TOX3: variants seen among roughly 807,000 people sequenced by gnomAD.
TOX3 encodes CAG trinucleotide repeat-containing gene F9 protein.
TOX3 carries 22 observed loss-of-function variants against 64.3 expected under a neutral mutation model. That is an observed-to-expected ratio of 0.34 (90% confidence interval 0.24 to 0.49). TOX3 has a LOEUF of 0.49. Among genes scored for constraint, TOX3 ranks in the 20% least tolerant of loss-of-function variants. The pLI is 0.99. For missense variants in TOX3, 661 were observed against 714.4 expected, an observed-to-expected ratio of 0.93 and a Z score of 0.85; for synonymous variants, 291 against 273.6, an observed-to-expected ratio of 1.06 and a Z score of -0.63.
At chr16:52,474,687 C>A (rs1961156702) in intron 1 of TOX3, among the ~76,000 whole-genome samples, 1 of 148,918 alleles carries the variant, frequency 6.7e-6, no homozygotes, top group African/African-American at 2.5e-5. Context: ...GAGAGAGGGA[C>A]AGAGGAAAAG....
At chr16:52,454,115 A>G (rs146320265) in intron 3 of TOX3, among the ~76,000 whole-genome samples, 2 of 152,270 alleles carry the variant, frequency 1.3e-5, no homozygotes, top group Admixed American at 1.3e-4. Context: ...TTCACGGTAG[A>G]GGCATGTCCC....
At chr16:52,444,520 CA>C in intron 5 of TOX3, 164 bp from the exon 6 acceptor site, 1 of 448,420 alleles carries the variant, frequency 2.2e-6, no homozygotes, top group East Asian at 3.3e-5. Flanking sequence ...CACACACACA[CA>C]CACACACACA....
chr16:52,510,045 C>T (rs780945535), intron 1 of TOX3, among the ~76,000 whole-genome samples: 1 of 151,318 alleles, frequency 6.6e-6, no homozygotes, highest in Non-Finnish European at 1.5e-5. Context: ...AAGATCAGCT[C>T]TATTCTTTCA....
intron 1 of TOX3, among the ~76,000 whole-genome samples, chr16:52,487,879 T>C (rs1054458325): frequency 2.0e-5 from 3 of 152,190 alleles, no homozygotes; most frequent in Non-Finnish European, 4.4e-5. Context: ...TTTAAGTCTG[T>C]GATTTTTGGA....
intron 1 of TOX3, among the ~76,000 whole-genome samples, chr16:52,470,275 T>C (rs1961004271): frequency 6.6e-6 from 1 of 152,246 alleles, no homozygotes; most frequent in African/African-American, 2.4e-5. Flanking sequence ...ATGTTCCTTT[T>C]GGATATTTAT....
At chr16:52,463,147 T>A (rs902824921) in intron 3 of TOX3, among the ~76,000 whole-genome samples, 15 of 152,078 alleles carry the variant, frequency 9.9e-5, no homozygotes, top group Admixed American at 5.2e-4. Context: ...CAGGGTTTTT[T>A]AAAAAAAAGC....
At chr16:52,502,761 G>T (rs1962037143) in intron 1 of TOX3, among the ~76,000 whole-genome samples, 1 of 152,178 alleles carries the variant, frequency 6.6e-6, no homozygotes, top group Admixed American at 6.5e-5. Flanking sequence ...GCAGTTTCTA[G>T]AAATTTTAAA....
chr16:52,473,693 G>C (rs926456966), intron 1 of TOX3, among the ~76,000 whole-genome samples: 11 of 152,178 alleles, frequency 7.2e-5, no homozygotes, highest in African/African-American at 2.7e-4. Flanking sequence ...GGCGGATGAT[G>C]ATGAATACTG....
intron 1 of TOX3, among the ~76,000 whole-genome samples, chr16:52,505,202 A>C: frequency 6.6e-6 from 1 of 152,176 alleles, no homozygotes; most frequent in East Asian, 1.9e-4. Context: ...AGGAAGGAAA[A>C]GGCCTGGCTA....
rs77652148 is a variant in TOX3 at position 52,471,677 on chromosome 16, C to T, written c.88-3103G>A. Among the ~76,000 whole-genome samples the T allele has an allele frequency of 3.9e-3, 597 of 152,268 alleles. 3 individuals carry two copies. The highest frequency in any genetic ancestry group is 0.014 in the African/African-American group (569 of 41,558). On this transcript the variant is annotated intron_variant, in intron 1 of 6. Coordinates refer to ENST00000219746, the MANE Select transcript of TOX3 (RefSeq NM_001080430.4). ...CACATAAACTTCAATGCCTCCTAAT[C>T]GCCCATCCTAACTGGAGTCATTTTC...
intron 1 of TOX3, among the ~76,000 whole-genome samples, chr16:52,515,564 AAC>A (rs1208110989): frequency 6.6e-6 from 1 of 152,262 alleles, no homozygotes; most frequent in African/African-American, 2.4e-5. Flanking sequence ...GTTTAAAAAT[AAC>A]AGTCATTATC....
Position 52,546,771 on chromosome 16 carries a change from G to T in TOX3, c.-48C>A, listed in dbSNP as rs767360080. 29 of 1,436,636 alleles carry T rather than the reference G, an allele frequency of 2.0e-5. No homozygotes were observed. In the African/African-American group the frequency reaches 2.4e-4, roughly 12 times the overall value. 89.0% of individuals were successfully genotyped at this position (1,436,636 alleles called of 1,614,324 possible). ...GGGGCCGGGACTGGGGTTCGCCGGG[G>T]CCGGGACCCGCCTCCTCGCCGCCGC... On this transcript the variant is annotated 5_prime_UTR_variant, in exon 1 of 7. Coordinates refer to ENST00000219746, the MANE Select transcript of TOX3 (RefSeq NM_001080430.4).
intron 1 of TOX3, among the ~76,000 whole-genome samples, chr16:52,490,208 C>A (rs1961640833): frequency 6.6e-6 from 1 of 152,028 alleles, no homozygotes; most frequent in South Asian, 2.1e-4. Context: ...TGTGGCACTT[C>A]CCCCTTCACT....
At chr16:52,452,136 G>C (rs1219861342) in intron 3 of TOX3, among the ~76,000 whole-genome samples, 1 of 152,068 alleles carries the variant, frequency 6.6e-6, no homozygotes, top group African/African-American at 2.4e-5. Flanking sequence ...AACTATACAG[G>C]ACAGCCTTGT....
intron 1 of TOX3, among the ~76,000 whole-genome samples, chr16:52,481,803 G>A (rs1961376647): frequency 6.6e-6 from 1 of 152,166 alleles, no homozygotes; most frequent in East Asian, 1.9e-4. Context: ...CCGGAATTCT[G>A]TAGGGACAAC....
At chr16:52,517,703 T>A (rs1962494791) in intron 1 of TOX3, among the ~76,000 whole-genome samples, 1 of 152,044 alleles carries the variant, frequency 6.6e-6, no homozygotes, top group South Asian at 2.1e-4. Context: ...ATTGGAACTA[T>A]TGCAATCTGA....
At chr16:52,521,525 T>C (rs2151478976) in intron 1 of TOX3, among the ~76,000 whole-genome samples, 1 of 152,344 alleles carries the variant, frequency 6.6e-6, no homozygotes, top group South Asian at 2.1e-4. Flanking sequence ...CATTTTACTT[T>C]ATGCCCCTTA....
chr16:52,473,988 C>G (rs1240734309), intron 1 of TOX3, among the ~76,000 whole-genome samples: 1 of 152,138 alleles, frequency 6.6e-6, no homozygotes, highest in Non-Finnish European at 1.5e-5. Flanking sequence ...CATGCTAAAA[C>G]TCCTAGATGA....
At chr16:52,484,023 A>G (rs1961440903) in intron 1 of TOX3, among the ~76,000 whole-genome samples, 1 of 152,192 alleles carries the variant, frequency 6.6e-6, no homozygotes, top group African/African-American at 2.4e-5. Flanking sequence ...GCCTTGAGAA[A>G]TTGGAATGAT....
Sources: allele counts gnomAD v4.1 joint callset (sites outside exome capture counted in the v4.1 genomes callset), GRCh38; gene constraint gnomAD v4.1.1; transcripts MANE v1.5; gene names NCBI Gene and HGNC (gene_info 2026-07-23, HGNC 2026-07-21).